Variants in XKR6 observed in about 807,000 individuals in gnomAD.
XKR6 encodes XK-related protein 6.
Under a neutral mutation model 56.7 loss-of-function variants are expected in XKR6, and 22 were observed. That is an observed-to-expected ratio of 0.39 (90% CI 0.28 to 0.55). XKR6 has a LOEUF of 0.55. Among genes scored for constraint, XKR6 ranks in the 20% least tolerant of loss-of-function variants. The pLI is 0.66. For missense variants in XKR6, 852 were observed against 889.0 expected (o/e 0.96, Z 0.53); for synonymous variants, 524 against 387.8 (o/e 1.35, Z -4.13).
At chr8:11,086,148 A>ATATT (rs71203369) in intron 1 of XKR6, among the ~76,000 whole-genome samples, 6,193 of 120,676 alleles carry the variant, frequency 0.051, 478 homozygotes, top group African/African-American at 0.23. Context: ...ATATATATAT[A>ATATT]TTTTTTTTTA....
chr8:10,944,715 C>G (rs900320111), intron 1 of XKR6, among the ~76,000 whole-genome samples: 2 of 152,178 alleles, frequency 1.3e-5, no homozygotes, highest in African/African-American at 4.8e-5. Context: ...TCCCCTCCAC[C>G]CTGCACACAC....
At chr8:11,170,075 TTAGA>T (rs1305421738) in intron 1 of XKR6, among the ~76,000 whole-genome samples, 1 of 151,752 alleles carries the variant, frequency 6.6e-6, no homozygotes, top group Non-Finnish European at 1.5e-5. Context: ...TTTCTGGTTA[TTAGA>T]TAATGTCTTG....
chr8:11,034,371 C>G (rs936556339), intron 1 of XKR6, among the ~76,000 whole-genome samples: 1 of 152,126 alleles, frequency 6.6e-6, no homozygotes, highest in Non-Finnish European at 1.5e-5. Flanking sequence ...GAGAGAGCAT[C>G]ATGGGTAAAG....
rs1005383751 is a variant in XKR6, at chr8:11,039,726, G to A, written c.765-114896C>T. Among the ~76,000 whole-genome samples, 14 of 152,338 alleles carry A rather than the reference G, an allele frequency of 9.2e-5. No homozygotes were observed. The East Asian group carries it at 2.1e-3, about 23-fold the overall frequency. ...TCTGTACTCGCCCCTTCCCAAGGAC[G>A]GCAGCTGAGACCGTAGGGCCTTGAA... On this transcript the variant is annotated intron_variant, in intron 1 of 2. Coordinates refer to ENST00000416569, the MANE Select transcript of XKR6 (RefSeq NM_173683.4).
In XKR6 at chr8:11,085,474, G is replaced by A. The variant is rs190969661; in HGVS notation, c.764+115102C>T. 5.4e-3 allele frequency among the ~76,000 whole-genome samples: 816 copies of A among 152,260 alleles called. 6 individuals are homozygous for A. The highest frequency in any genetic ancestry group is 0.017 in the African/African-American group (711 of 41,548). ...TGTGTGTGTATGTATGTGCATGTGT[G>A]TGTGTGTGCATGTCTGTGCTTGTGC... is the stretch of plus-strand genomic sequence containing the variant. On this transcript the variant is annotated intron_variant, in intron 1 of 2. Coordinates refer to ENST00000416569, the MANE Select transcript of XKR6 (RefSeq NM_173683.4).
chr8:11,139,676 G>C (rs966782697), intron 1 of XKR6, among the ~76,000 whole-genome samples: 1 of 152,162 alleles, frequency 6.6e-6, no homozygotes, highest in Admixed American at 6.5e-5. Flanking sequence ...ACAAAGAAAA[G>C]GCAGGTAAAA....
At chr8:11,119,489 G>A (rs1025038294) in intron 1 of XKR6, among the ~76,000 whole-genome samples, 8 of 152,160 alleles carry the variant, frequency 5.3e-5, no homozygotes, top group African/African-American at 1.7e-4. Context: ...GAATCTGGGT[G>A]CTCCTGCATT....
At chr8:11,083,845 T>C (rs916057739) in intron 1 of XKR6, among the ~76,000 whole-genome samples, 2 of 152,158 alleles carry the variant, frequency 1.3e-5, no homozygotes, top group Admixed American at 6.5e-5. Flanking sequence ...ATGCCCACTA[T>C]GATTACATGT....
At chr8:11,149,282 T>C (rs1801146911) in intron 1 of XKR6, among the ~76,000 whole-genome samples, 1 of 152,200 alleles carries the variant, frequency 6.6e-6, no homozygotes, top group African/African-American at 2.4e-5. Context: ...GCTACAAACC[T>C]GCATGGCAGG....
chr8:10,991,314 T>A (rs866335196), intron 1 of XKR6, among the ~76,000 whole-genome samples: 1 of 152,130 alleles, frequency 6.6e-6, no homozygotes, highest in African/African-American at 2.4e-5. Context: ...AGGGTCACAA[T>A]CCACTGTGAC....
intron 1 of XKR6, among the ~76,000 whole-genome samples, chr8:10,992,175 G>T (rs1454883483): frequency 6.6e-6 from 1 of 152,200 alleles, no homozygotes; most frequent in Non-Finnish European, 1.5e-5. Context: ...CTGTTCAGCT[G>T]TCAAATGTTT....
intron 1 of XKR6, among the ~76,000 whole-genome samples, chr8:11,045,398 C>G (rs1173357563): frequency 2.0e-5 from 3 of 152,100 alleles, no homozygotes; most frequent in African/African-American, 7.2e-5. Flanking sequence ...TCAAGCCACT[C>G]TTAAAGATAT....
intron 1 of XKR6, among the ~76,000 whole-genome samples, chr8:11,173,260 C>T (rs925922006): frequency 2.6e-5 from 4 of 151,406 alleles, no homozygotes; most frequent in East Asian, 1.9e-4. Flanking sequence ...AGGAGAATGG[C>T]GTGAACCCAG....
intron 1 of XKR6, among the ~76,000 whole-genome samples, chr8:10,947,364 A>G (rs573488233): frequency 1.1e-4 from 16 of 152,290 alleles, no homozygotes; most frequent in African/African-American, 3.6e-4. Flanking sequence ...GCGTGTCTCT[A>G]TGAAGCACAA....
chr8:11,168,112 G>A (rs1016287093), intron 1 of XKR6, among the ~76,000 whole-genome samples: 1 of 152,088 alleles, frequency 6.6e-6, no homozygotes, highest in African/African-American at 2.4e-5. Context: ...ACACAACACT[G>A]TAATTTTCAA....
At chr8:11,173,117 C>T (rs953034782) in intron 1 of XKR6, among the ~76,000 whole-genome samples, 15 of 151,010 alleles carry the variant, frequency 9.9e-5, no homozygotes, top group African/African-American at 3.7e-4. Flanking sequence ...GGGTGGATCA[C>T]GAGGTCAGGA....
intron 1 of XKR6, among the ~76,000 whole-genome samples, chr8:11,159,701 C>G (rs1801698029): frequency 6.6e-6 from 1 of 152,224 alleles, no homozygotes; most frequent in African/African-American, 2.4e-5. Context: ...AGTCTGAAAA[C>G]TACTGACCAA....
chr8:10,944,758 C>T (rs1801486361), intron 1 of XKR6, among the ~76,000 whole-genome samples: 1 of 152,174 alleles, frequency 6.6e-6, no homozygotes, highest in Non-Finnish European at 1.5e-5. Context: ...GCAGAGATGC[C>T]TTCTGTACAA....
In XKR6 at chr8:10,935,938, C is replaced by T. The variant is rs937320440; in HGVS notation, c.765-11108G>A. Among the ~76,000 whole-genome samples, 113 of 146,482 alleles carry T rather than the reference C, an allele frequency of 7.7e-4. No individual in the cohort carries two copies. In the South Asian group the frequency reaches 0.016, roughly 20 times the overall value. The stretch of plus-strand genomic sequence containing the variant: ...GGTCCACTTGGTGCAGAGCTGAGTT[C>T]AATTCCTGGGTATCCTTGTTGACTT... On this transcript the variant is annotated intron_variant, in intron 1 of 2. Transcript: ENST00000416569.
Sources: allele counts gnomAD v4.1 joint callset (sites outside exome capture counted in the v4.1 genomes callset), GRCh38; gene constraint gnomAD v4.1.1; transcripts MANE v1.5; gene names NCBI Gene and HGNC (gene_info 2026-07-23, HGNC 2026-07-21).